The following RARB variants were observed in gnomAD, a reference collection of about 807,000 sequenced individuals.
RARB encodes retinoic acid receptor beta.
Under a neutral mutation model 51.9 loss-of-function variants are expected in RARB, and 17 were observed. The ratio of observed to expected loss-of-function variants is 0.33; its 90% CI spans 0.22 to 0.49. The LOEUF (loss-of-function observed/expected upper bound fraction) is 0.49, where lower values mean the gene tolerates loss of function less well. Among genes scored for constraint, RARB ranks in the 20% least tolerant of loss-of-function variants. The probability of loss-of-function intolerance (pLI) is 0.99; values close to 1 mark genes in which losing one functional copy is unlikely to be tolerated. For synonymous variants in RARB, 215 were observed against 195.4 expected (o/e 1.10, Z -0.84); for missense variants, 369 against 550.8 (o/e 0.67, Z 3.30).
intron 5 of RARB, among the ~76,000 whole-genome samples, chr3:25,233,904 A>G (rs1009195260): frequency 6.6e-6 from 1 of 151,820 alleles, no homozygotes; most frequent in Non-Finnish European, 1.5e-5. Flanking sequence ...ATGTTGAGCT[A>G]TCCTTGTGTC....
At chr3:25,448,647 A>G (rs899662502) in intron 1 of RARB, among the ~76,000 whole-genome samples, 2 of 152,060 alleles carry the variant, frequency 1.3e-5, no homozygotes, top group Non-Finnish European at 2.9e-5. Flanking sequence ...TTGTATTGTT[A>G]GTAGAGATAG....
chr3:25,546,755 T>C (rs2125662181), intron 3 of RARB, among the ~76,000 whole-genome samples: 1 of 152,340 alleles, frequency 6.6e-6, no homozygotes, highest in African/African-American at 2.4e-5. Context: ...GGGATATAAA[T>C]CATAATTCTA....
intron 5 of RARB, among the ~76,000 whole-genome samples, chr3:25,585,286 C>T (rs976074913): frequency 5.9e-5 from 9 of 152,128 alleles, no homozygotes; most frequent in African/African-American, 2.2e-4. Flanking sequence ...CCTCAGGGGT[C>T]CTGTTATTGT....
chr3:25,310,296 T>A (rs2125433171), intron 5 of RARB, among the ~76,000 whole-genome samples: 1 of 152,354 alleles, frequency 6.6e-6, no homozygotes, highest in Non-Finnish European at 1.5e-5. Context: ...CTGAATTTTT[T>A]AAGTGGTTGA....
intron 2 of RARB, among the ~76,000 whole-genome samples, chr3:24,972,007 T>C (rs1696410429): frequency 6.6e-6 from 1 of 151,854 alleles, no homozygotes; most frequent in African/African-American, 2.4e-5. Flanking sequence ...AACATTCGAG[T>C]TATTCTCTTC....
intron 5 of RARB, among the ~76,000 whole-genome samples, chr3:25,274,982 T>C (rs981482113): frequency 6.6e-6 from 1 of 152,196 alleles, no homozygotes; most frequent in African/African-American, 2.4e-5. Context: ...GTTTATGCTA[T>C]GTAAGGATAC....
chr3:25,248,271 G>C (rs536597869), intron 5 of RARB, among the ~76,000 whole-genome samples: 12 of 152,066 alleles, frequency 7.9e-5, no homozygotes, highest in African/African-American at 2.9e-4. Context: ...TTAAGGTGAG[G>C]TGAGTTTCTT....
At chr3:24,840,394 G>A (rs2125330064) in intron 1 of RARB, among the ~76,000 whole-genome samples, 1 of 152,284 alleles carries the variant, frequency 6.6e-6, no homozygotes, top group African/African-American at 2.4e-5. Context: ...TCTGTCTATT[G>A]CCCCCTTAGC....
intron 4 of RARB, among the ~76,000 whole-genome samples, chr3:25,578,103 T>A (rs1032527304): frequency 6.6e-6 from 1 of 152,238 alleles, no homozygotes; most frequent in Non-Finnish European, 1.5e-5. Context: ...TTTTCCTCCC[T>A]GCACACTCAG....
rs561172451 is a variant in RARB, at chr3:25,174,373, C to A, written c.-25C>A. 1.3e-5 allele frequency: 17 copies of A among 1,351,080 alleles called. No homozygotes were observed. The East Asian group carries it at 5.0e-4, about 40-fold the overall frequency. 83.7% of individuals were successfully genotyped at this position (1,351,080 alleles called of 1,614,324 possible). On this transcript the variant is annotated 5_prime_UTR_variant, in exon 5 of 12. Transcript: ENST00000383772. Reference sequence around the variant, plus strand: ...AGTGATGTGTTCCTGCTCCAGAGCACCTTTCTTTCTGTGAGGCCCGAAACA... The same window carrying A: ...AGTGATGTGTTCCTGCTCCAGAGCAACTTTCTTTCTGTGAGGCCCGAAACA...
At chr3:25,278,997 T>G (rs1324155698) in intron 5 of RARB, among the ~76,000 whole-genome samples, 1 of 152,212 alleles carries the variant, frequency 6.6e-6, no homozygotes, top group Non-Finnish European at 1.5e-5. Flanking sequence ...AGTGGGGATT[T>G]GCACTCATAG....
intron 5 of RARB, among the ~76,000 whole-genome samples, chr3:25,339,355 C>T (rs6803371): frequency 0.025 from 3,851 of 152,250 alleles, 186 homozygotes; most frequent in African/African-American, 0.088. Flanking sequence ...CAAATGTAGC[C>T]AGCTGTTTGA....
intron 5 of RARB, among the ~76,000 whole-genome samples, chr3:25,283,382 C>T (rs992692182): frequency 6.6e-6 from 1 of 152,164 alleles, no homozygotes; most frequent in Non-Finnish European, 1.5e-5. Context: ...CTTTCATACC[C>T]AGTCCACTTA....
intron 5 of RARB, among the ~76,000 whole-genome samples, chr3:25,295,907 C>T (rs181398435): frequency 3.3e-4 from 50 of 152,240 alleles, no homozygotes; most frequent in East Asian, 5.8e-4. Context: ...AGTATCAGGA[C>T]GGGAACAAGG....
At chr3:25,153,130 G>C (rs1363755058) in intron 4 of RARB, among the ~76,000 whole-genome samples, 1 of 126,920 alleles carries the variant, frequency 7.9e-6, no homozygotes, top group Non-Finnish European at 1.7e-5. Context: ...AAGTAATAGA[G>C]GCAGAGTGTG....
At chr3:24,909,635 C>T (rs1281846609) in intron 2 of RARB, among the ~76,000 whole-genome samples, 1 of 150,308 alleles carries the variant, frequency 6.7e-6, no homozygotes, top group African/African-American at 2.5e-5. Flanking sequence ...ATTAAGCTAT[C>T]TCTACCTTTC....
chr3:25,594,423 A>G (rs967347904), intron 6 of RARB, 97 bp from the exon 7 acceptor site: 1 of 1,269,474 alleles, frequency 7.9e-7, no homozygotes, highest in African/African-American at 1.5e-5. Flanking sequence ...TGAATTACCA[A>G]ATTAATGAAC....
chr3:25,340,660 A>C (rs916870918), intron 5 of RARB, among the ~76,000 whole-genome samples: 1 of 152,200 alleles, frequency 6.6e-6, no homozygotes, highest in African/African-American at 2.4e-5. Context: ...TCACTTCAGC[A>C]TTCCTATTCT....
intron 2 of RARB, among the ~76,000 whole-genome samples, chr3:24,963,412 C>G (rs561364268): frequency 4.4e-5 from 6 of 135,800 alleles, no homozygotes; most frequent in Non-Finnish European, 8.3e-5. Context: ...TAATGGCTTC[C>G]CATCCTTGTT....
Sources: gnomAD v4.1 joint callset for allele counts (sites outside exome capture counted in the v4.1 genomes callset) on GRCh38, gnomAD v4.1.1 for gene constraint, MANE v1.5 for transcripts, NCBI Gene and HGNC (gene_info 2026-07-23, HGNC 2026-07-21) for gene names.